CNTN3: variants seen among roughly 807,000 people sequenced by gnomAD.
CNTN3 encodes contactin-3.
A neutral mutation model predicts 119.1 loss-of-function variants in CNTN3; 60 were observed. That is an observed-to-expected ratio of 0.50 (90% confidence interval 0.41 to 0.62). CNTN3 has a LOEUF of 0.62. Ranked by LOEUF, CNTN3 falls within the 20% of genes least tolerant of loss-of-function variation. The pLI is 0.00. For synonymous variants in CNTN3, 450 were observed against 438.7 expected, an observed-to-expected ratio of 1.03 and a Z score of -0.32; for missense variants, 1,101 against 1,242.4, an observed-to-expected ratio of 0.89 and a Z score of 1.71.
intron 5 of CNTN3, among the ~76,000 whole-genome samples, chr3:74,386,654 T>G (rs2106820660): frequency 6.6e-6 from 1 of 152,360 alleles, no homozygotes; most frequent in Admixed American, 6.5e-5. Flanking sequence ...CTGCGAGCTC[T>G]GTAAGCCAGG....
chr3:74,497,120 A>G (rs1278521461), intron 3 of CNTN3, among the ~76,000 whole-genome samples: 1 of 151,988 alleles, frequency 6.6e-6, no homozygotes, highest in Non-Finnish European at 1.5e-5. Context: ...ATGATTATAT[A>G]TGTTAAAAAA....
intron 11 of CNTN3, among the ~76,000 whole-genome samples, chr3:74,360,457 GT>G (rs1197704619): frequency 6.6e-6 from 1 of 152,054 alleles, no homozygotes; most frequent in Non-Finnish European, 1.5e-5. Context: ...CTAAGTTTCT[GT>G]TTTTTCATTA....
intron 1 of CNTN3, among the ~76,000 whole-genome samples, chr3:74,541,176 G>A (rs1254555786): frequency 1.3e-5 from 2 of 152,062 alleles, no homozygotes; most frequent in Admixed American, 6.6e-5. Flanking sequence ...TCGTGCCATC[G>A]CCATTTTCAT....
intron 1 of CNTN3, among the ~76,000 whole-genome samples, chr3:74,566,376 A>C (rs2106641364): frequency 6.6e-6 from 1 of 152,244 alleles, no homozygotes; most frequent in South Asian, 2.1e-4. Context: ...ATTACCACAA[A>C]CCAGGTGGCT....
intron 1 of CNTN3, among the ~76,000 whole-genome samples, chr3:74,574,166 A>C (rs981401572): frequency 6.6e-6 from 1 of 152,184 alleles, no homozygotes; most frequent in African/African-American, 2.4e-5. Flanking sequence ...AACCTTGAAA[A>C]CATTATGCTC....
At chr3:74,469,455 C>T (rs969808128) in intron 4 of CNTN3, among the ~76,000 whole-genome samples, 1 of 152,076 alleles carries the variant, frequency 6.6e-6, no homozygotes, top group Admixed American at 6.6e-5. Flanking sequence ...ATGTATCTGA[C>T]AAGGGACTTG....
At chr3:74,471,950 G>C (rs529455306) in intron 4 of CNTN3, among the ~76,000 whole-genome samples, 4 of 152,174 alleles carry the variant, frequency 2.6e-5, no homozygotes, top group Non-Finnish European at 5.9e-5. Context: ...CCGACACACA[G>C]AAAAGGCTCA....
intron 13 of CNTN3, among the ~76,000 whole-genome samples, chr3:74,315,411 T>C (rs1702805122): frequency 6.6e-6 from 1 of 152,184 alleles, no homozygotes; most frequent in East Asian, 1.9e-4. Flanking sequence ...CCTAAATTCT[T>C]TTCTTGCACA....
intron 5 of CNTN3, among the ~76,000 whole-genome samples, chr3:74,383,782 G>A (rs1704681830): frequency 6.6e-6 from 1 of 152,098 alleles, no homozygotes; most frequent in Non-Finnish European, 1.5e-5. Flanking sequence ...ACCACACCTG[G>A]CCCTTTTCAT....
At chr3:74,561,625 C>T (rs909788321) in intron 1 of CNTN3, among the ~76,000 whole-genome samples, 2 of 152,138 alleles carry the variant, frequency 1.3e-5, no homozygotes, top group Admixed American at 6.6e-5. Flanking sequence ...CTTCCCCTCA[C>T]GTCCCCCACT....
rs538463178 is a variant in CNTN3 at position 74,421,835 on chromosome 3, C to T, written c.454+3010G>A. Among the ~76,000 whole-genome samples, 12 of 152,192 alleles carry T rather than the reference C, an allele frequency of 7.9e-5. No individual in the cohort carries two copies. In the South Asian group the frequency reaches 1.9e-3, roughly 24 times the overall value. ...AGCTGCTCTCTGACCTGGCTCATACCCTCTACTGAATTAAAGGCCATAAGT... is the reference window on the plus strand; with the variant it reads ...AGCTGCTCTCTGACCTGGCTCATACTCTCTACTGAATTAAAGGCCATAAGT... On this transcript the variant is annotated intron_variant, in intron 5 of 22. Transcript: ENST00000263665.
Position 74,295,230 on chromosome 3 carries a change from G to C in CNTN3, c.2408C>G (p.Thr803Arg), listed in dbSNP as rs1185245972. 6.3e-7 allele frequency: 1 copy of C among 1,583,434 alleles called. No individual in the cohort carries two copies. Among genetic ancestry groups the C allele is most frequent in the Admixed American group, 1.7e-5 (1 of 59,432 alleles). Residue 803 changes from threonine to arginine, a missense_variant, in exon 19 of 23, where the codon ACA becomes AGA. Coordinates refer to ENST00000263665, the MANE Select transcript of CNTN3 (RefSeq NM_020872.3). ...TGCAGAGACTTGAGATGGGGCCACT[G>C]TAGGCTCTGTTCGGAAACAGAAATT... is the stretch of plus-strand genomic sequence containing the variant. ...TTVFSAEEEP[T>R]VAPSQVSANS...
intron 5 of CNTN3, among the ~76,000 whole-genome samples, chr3:74,396,746 G>GAAAAAAAAAAAAAAA (rs61397069): frequency 1.0e-5 from 1 of 98,822 alleles, no homozygotes; most frequent in Non-Finnish European, 1.9e-5. Flanking sequence ...TTCCGCCTCA[G>GAAAAAAAAAAAAAAA]AAAAAAAAAA....
At chr3:74,608,683 A>G (rs969145059) in intron 1 of CNTN3, among the ~76,000 whole-genome samples, 3 of 152,224 alleles carry the variant, frequency 2.0e-5, no homozygotes, top group Non-Finnish European at 2.9e-5. Context: ...TTAGCCCTAG[A>G]AAAAGAAGCC....
intron 1 of CNTN3, among the ~76,000 whole-genome samples, chr3:74,596,903 T>C (rs1364690949): frequency 6.6e-6 from 1 of 152,068 alleles, no homozygotes; most frequent in Non-Finnish European, 1.5e-5. Flanking sequence ...ATTAACATCA[T>C]TATGTGCCAT....
intron 1 of CNTN3, among the ~76,000 whole-genome samples, chr3:74,610,435 TG>T (rs1705062317): frequency 6.6e-6 from 1 of 151,976 alleles, no homozygotes; most frequent in Non-Finnish European, 1.5e-5. Flanking sequence ...AAGAACAGAA[TG>T]ATCCCTAACA....
chr3:74,613,269 CTTTTTT>C, intron 1 of CNTN3, among the ~76,000 whole-genome samples: 1 of 132,482 alleles, frequency 7.5e-6, no homozygotes, highest in Non-Finnish European at 1.6e-5. Flanking sequence ...AGTCTTCCTA[CTTTTTT>C]TTTTTTTTTT....
chr3:74,516,143 A>G (rs1326332111), intron 2 of CNTN3, among the ~76,000 whole-genome samples: 1 of 152,040 alleles, frequency 6.6e-6, no homozygotes, highest in Non-Finnish European at 1.5e-5. Context: ...ATAACAAGCT[A>G]TGTGACTTTG....
intron 4 of CNTN3, among the ~76,000 whole-genome samples, chr3:74,433,231 C>T (rs1024934685): frequency 6.6e-6 from 1 of 152,058 alleles, no homozygotes; most frequent in African/African-American, 2.4e-5. Context: ...GAGGAATTTC[C>T]CTGGGAGCAA....
Sources: allele counts gnomAD v4.1 joint callset (sites outside exome capture counted in the v4.1 genomes callset), GRCh38; gene constraint gnomAD v4.1.1; transcripts MANE v1.5; gene names NCBI Gene and HGNC (gene_info 2026-07-23, HGNC 2026-07-21).